ADGRG1: variants seen among roughly 807,000 people sequenced by gnomAD.
The protein encoded by ADGRG1 is 7-transmembrane protein with no EGF-like N-terminal domains-1.
Under a neutral mutation model 73.5 loss-of-function variants are expected in ADGRG1, and 53 were observed. The ratio of observed to expected loss-of-function variants is 0.72; its 90% CI spans 0.58 to 0.91. The LOEUF (loss-of-function observed/expected upper bound fraction) is 0.91, where lower values mean the gene tolerates loss of function less well. Ranked by LOEUF, ADGRG1 falls within the 40% of genes least tolerant of loss-of-function variation. The probability of loss-of-function intolerance (pLI) is 0.00; values close to 1 mark genes in which losing one functional copy is unlikely to be tolerated. For synonymous variants in ADGRG1, 394 were observed against 374.4 expected (o/e 1.05, Z -0.60); for missense variants, 795 against 871.8 (o/e 0.91, Z 1.11).
At chr16:57,643,969 G>A in intron 1 of ADGRG1, 1 of 984,826 alleles carries the variant, frequency 1.0e-6, no homozygotes, top group Non-Finnish European at 1.2e-6. Flanking sequence ...ACTTTGAGCT[G>A]TTGGGTACAT....
At chr16:57,627,982 C>G, upstream of ADGRG1, 6 of 985,034 alleles carry the variant, frequency 6.1e-6, no homozygotes, top group Non-Finnish European at 7.2e-6. Context: ...TTTCCAGAAG[C>G]CCCTGGGGTC....
chr16:57,629,003 T>G (rs1354799512), intron 1 of ADGRG1: 1 of 491,062 alleles, frequency 2.0e-6, no homozygotes, highest in African/African-American at 2.2e-5. Context: ...TGAGTGTGAG[T>G]GTGAGAGTGT....
In ADGRG1 at chr16:57,661,981, G is replaced by A. The variant is rs773901652; in HGVS notation, c.1933+16G>A. ...TCCTTCCAAGGTAAGGAGAAGACCCGTCCCTTGGCCCAGGCAGGGTGTCTA... is the reference window on the plus strand; with the variant it reads ...TCCTTCCAAGGTAAGGAGAAGACCCATCCCTTGGCCCAGGCAGGGTGTCTA... On this transcript the variant is annotated intron_variant, in intron 13 of 13. Transcript: ENST00000562631. The A allele has an allele frequency of 6.4e-5, 103 of 1,599,488 alleles. No homozygotes were observed. The highest frequency in any genetic ancestry group is 8.0e-5 in the African/African-American group (6 of 74,606).
chr16:57,658,241 C>T (rs867511611), intron 10 of ADGRG1, among the ~76,000 whole-genome samples: 7 of 152,324 alleles, frequency 4.6e-5, no homozygotes, highest in African/African-American at 7.2e-5. Flanking sequence ...TCAAACTTCC[C>T]GTGTGCCATG....
chr16:57,645,436 C>G (rs759282670), intron 1 of ADGRG1: 12 of 597,808 alleles, frequency 2.0e-5, no homozygotes, highest in Non-Finnish European at 2.5e-5. Flanking sequence ...CTTCCAGGGC[C>G]CCGCTAAATG....
upstream of ADGRG1, chr16:57,628,123 C>CG: frequency 1.1e-6 from 1 of 928,122 alleles, no homozygotes; most frequent in Non-Finnish European, 1.2e-6. Flanking sequence ...GCCTCCTGCC[C>CG]GGCTGCCTGT....
chr16:57,646,763 G>A (rs1204967711), intron 1 of ADGRG1: 17 of 927,736 alleles, frequency 1.8e-5, no homozygotes, highest in African/African-American at 1.4e-4. Flanking sequence ...CTCAGTGTCC[G>A]CATCTGTAAA....
At chr16:57,645,291 C>A in intron 1 of ADGRG1, 10 of 985,424 alleles carry the variant, frequency 1.0e-5, no homozygotes, top group Non-Finnish European at 1.2e-5. Flanking sequence ...GGGAAGGCCT[C>A]CAGGTGGGCA....
rs530873516 is a variant in ADGRG1 at position 57,651,392 on chromosome 16, G to T, written c.257G>T (p.Gly86Val). Reference sequence around the variant, plus strand: ...TCCCGATCCTTCCCTGACCCCAGGGGCCTCTACCACTTCTGCCTCTACTGG... The same window carrying T: ...TCCCGATCCTTCCCTGACCCCAGGGTCCTCTACCACTTCTGCCTCTACTGG... ...PASRSFPDPR[G>V]LYHFCLYWNR... is the part of the protein sequence containing the mutation. The change falls in exon 3 of 14, where the codon GGC becomes GTC. Residue 86 changes from glycine (G) to valine (V), a missense_variant. Gly to Val is a moderately radical substitution (Grantham distance 109). Transcript: ENST00000562631. The T allele has an allele frequency of 6.2e-7, 1 of 1,614,102 alleles. No homozygotes were observed. Among genetic ancestry groups the T allele is most frequent in the Non-Finnish European group, 8.5e-7 (1 of 1,179,952 alleles).
rs918707134 is a variant in ADGRG1 at position 57,644,980 on chromosome 16, C to T, written c.-35-5273C>T. 3 of 686,872 alleles carry T rather than the reference C, an allele frequency of 4.4e-6. No individual in the cohort carries two copies. In the African/African-American group the frequency reaches 6.3e-5, roughly 14 times the overall value. 42.5% of individuals were successfully genotyped at this position (686,872 alleles called of 1,614,324 possible). A position where few individuals can be genotyped will look rare whatever the true frequency, so the allele number is the denominator to read the frequency against. ...CACACACTCATGCATGGGCACACAC[C>T]CCCATGCACACACACATGCACACTC... is the stretch of plus-strand genomic sequence containing the variant. On this transcript the variant is annotated intron_variant, in intron 1 of 13. Transcript: ENST00000562631.
At position 57,661,735 on chromosome 16, in the gene ADGRG1, AC is replaced by A; in HGVS notation, c.1705del (p.Leu569TrpfsTer15). 6.2e-7 allele frequency: 1 copy of A among 1,613,976 alleles called. No homozygotes were observed. Among genetic ancestry groups the A allele is most frequent in the Non-Finnish European group, 8.5e-7 (1 of 1,179,962 alleles). ...IRDSLVSYIT[N>X]LGLFSLVFLF... is the part of the protein sequence containing the mutation. ...GACTCCCTGGTCAGCTACATCACCA[AC>A]CTGGGCCTCTTCAGCCTGGTGTTTC... is the stretch of plus-strand genomic sequence containing the variant. On this transcript the variant is annotated frameshift_variant, in exon 13 of 14. Transcript: ENST00000562631. LOFTEE classifies it high-confidence loss of function.
In ADGRG1 at chr16:57,661,807, G is replaced by T. The variant is rs140298537; in HGVS notation, c.1775G>T (p.Arg592Leu). The change falls in exon 13 of 14, where the codon CGG (arginine) becomes CTG (leucine). Residue 592 changes from arginine to leucine, a missense_variant. Coordinates refer to ENST00000562631, the MANE Select transcript of ADGRG1 (RefSeq NM_201525.4). ...MLATMVVQIL[R>L]LRPHTQKWSH... ...GCCACCATGGTGGTGCAGATCCTGC[G>T]GCTGCGCCCCCACACCCAAAAGTGG... 1.9e-5 allele frequency: 31 copies of T among 1,614,098 alleles called. No homozygotes were observed. The South Asian group carries it at 3.3e-4, about 17-fold the overall frequency.
chr16:57,653,017 C>A (rs914690732), intron 3 of ADGRG1, 186 bp from the exon 4 acceptor site: 14 of 1,458,352 alleles, frequency 9.6e-6, no homozygotes, highest in Non-Finnish European at 1.3e-5. Context: ...AGACACAACC[C>A]CCACGGGTTG....
At position 57,649,734 on chromosome 16, in the gene ADGRG1, G is replaced by A. The variant is rs115307008; in HGVS notation, c.-35-519G>A. 7.5e-3 allele frequency among the ~76,000 whole-genome samples: 1,139 copies of A among 152,138 alleles called. 16 individuals are homozygous for A. The highest frequency in any genetic ancestry group is 0.026 in the African/African-American group (1,092 of 41,494). On this transcript the variant is annotated intron_variant, in intron 1 of 13. Coordinates refer to ENST00000562631, the MANE Select transcript of ADGRG1 (RefSeq NM_201525.4). ...CACAAGGTCCTGCAGCGGGCAAAAG[G>A]TGGAACTGAGACTGGAACTCAGCTG...
intron 1 of ADGRG1, chr16:57,631,249 C>T (rs1309563652): frequency 8.1e-6 from 8 of 986,246 alleles, no homozygotes; most frequent in Non-Finnish European, 8.4e-6. Flanking sequence ...CCTGGCAAGG[C>T]CCAGCATGAC....
At chr16:57,656,311 A>C in intron 8 of ADGRG1, 40 bp downstream of exon 8, 1 of 1,573,498 alleles carries the variant, frequency 6.4e-7, no homozygotes, top group Non-Finnish European at 8.7e-7. Flanking sequence ...AAGTATCTGG[A>C]AGAGAAATAG....
upstream of ADGRG1, chr16:57,623,116 T>C (rs2035180320): frequency 4.1e-6 from 4 of 974,334 alleles, no homozygotes; most frequent in Admixed American, 1.2e-4. Flanking sequence ...AGTCTCAGTC[T>C]TCTCCTCTCA....
intron 1 of ADGRG1, among the ~76,000 whole-genome samples, chr16:57,638,858 T>G (rs1456732124): frequency 6.6e-6 from 1 of 152,008 alleles, no homozygotes; most frequent in African/African-American, 2.4e-5. Context: ...TATCATGAGG[T>G]CAGGAGTTCG....
intron 1 of ADGRG1, chr16:57,637,712 G>A: frequency 3.0e-6 from 3 of 985,314 alleles, no homozygotes; most frequent in Non-Finnish European, 3.6e-6. Context: ...GACTGAAGCT[G>A]CCTCCTGGCT....
Sources: gnomAD v4.1 joint callset for allele counts (sites outside exome capture counted in the v4.1 genomes callset) on GRCh38, gnomAD v4.1.1 for gene constraint, MANE v1.5 for transcripts, NCBI Gene and HGNC (gene_info 2026-07-23, HGNC 2026-07-21) for gene names.